CPVL: variants seen among roughly 807,000 people sequenced by gnomAD.
CPVL encodes probable serine carboxypeptidase CPVL.
A neutral mutation model predicts 63.7 loss-of-function variants in CPVL; 51 were observed. That is an observed-to-expected ratio of 0.80 (90% CI 0.64 to 1.01). The LOEUF (loss-of-function observed/expected upper bound fraction) is 1.01, where lower values mean the gene tolerates loss of function less well. CPVL is among the 50% of genes least tolerant of loss of function. CPVL has a pLI of 0.00. For missense variants in CPVL, 530 were observed against 573.1 expected (o/e 0.92, Z 0.77); for synonymous variants, 195 against 206.0 (o/e 0.95, Z 0.46).
At chr7:29,170,995 G>A (rs183740624) in intron 5 of CPVL, among the ~76,000 whole-genome samples, 6 of 152,160 alleles carry the variant, frequency 3.9e-5, no homozygotes, top group East Asian at 3.9e-4. Flanking sequence ...ACAACATGTC[G>A]GAATTCAAGA....
intron 5 of CPVL, among the ~76,000 whole-genome samples, chr7:29,169,654 G>A (rs1038147458): frequency 1.1e-4 from 16 of 151,976 alleles, no homozygotes; most frequent in Non-Finnish European, 1.9e-4. Flanking sequence ...CATGTCCTAT[G>A]TATGGCTGCC....
intron 11 of CPVL, among the ~76,000 whole-genome samples, chr7:29,033,160 AT>A (rs1292009979): frequency 6.6e-6 from 1 of 152,134 alleles, no homozygotes; most frequent in Non-Finnish European, 1.5e-5. Flanking sequence ...AGAAATCAGA[AT>A]AACGATCATG....
chr7:29,146,110 C>G (rs1311611209), intron 1 of CPVL: 1 of 155,076 alleles, frequency 6.4e-6, no homozygotes, highest in African/African-American at 2.4e-5. Flanking sequence ...GAGGACCCCA[C>G]AGCTTCGTAC....
chr7:29,073,493 A>G (rs993381003), intron 7 of CPVL, among the ~76,000 whole-genome samples: 1 of 151,742 alleles, frequency 6.6e-6, no homozygotes, highest in Admixed American at 6.6e-5. Context: ...TCCCTTCTCT[A>G]CCCTCAACCC....
At chr7:29,099,216 T>C (rs1208202826) in intron 3 of CPVL, among the ~76,000 whole-genome samples, 1 of 152,094 alleles carries the variant, frequency 6.6e-6, no homozygotes, top group Non-Finnish European at 1.5e-5. Flanking sequence ...GCTATTGCTA[T>C]AATAGATAAT....
chr7:29,174,438 GAGGGACAGGAACCTGTCCAGACA>G (rs1236918967), intron 5 of CPVL, among the ~76,000 whole-genome samples: 6 of 152,210 alleles, frequency 3.9e-5, no homozygotes, highest in Non-Finnish European at 7.3e-5. Flanking sequence ...TCTCCCCCAA[GAGGGACAGGAACCTGTCCAGACA>G]AGGGACAGGT....
chr7:29,162,384 A>C (rs563763217), intron 5 of CPVL, among the ~76,000 whole-genome samples: 2 of 152,314 alleles, frequency 1.3e-5, no homozygotes, highest in South Asian at 4.1e-4. Context: ...TATGATGGCC[A>C]GGCGTGGTGG....
chr7:29,112,063 G>C (rs926619067), intron 3 of CPVL, among the ~76,000 whole-genome samples: 1 of 152,214 alleles, frequency 6.6e-6, no homozygotes, highest in African/African-American at 2.4e-5. Context: ...TGGTGAAGTA[G>C]AAAAACATAC....
chr7:29,112,435 GGAA>G (rs1174362186), intron 3 of CPVL, among the ~76,000 whole-genome samples: 1 of 152,106 alleles, frequency 6.6e-6, no homozygotes, highest in African/African-American at 2.4e-5. Context: ...GACTGTGGCA[GGAA>G]GAAGGTGGTA....
chr7:29,086,571 A>G (rs930015732), intron 6 of CPVL, 21 bp from the exon 7 acceptor site: 1 of 1,531,538 alleles, frequency 6.5e-7, no homozygotes, highest in Non-Finnish European at 9.0e-7. Context: ...AAGAACAAGA[A>G]CAACACAAAT....
chr7:29,172,792 C>G (rs1487556652), intron 5 of CPVL, among the ~76,000 whole-genome samples: 1 of 151,492 alleles, frequency 6.6e-6, no homozygotes, highest in African/African-American at 2.4e-5. Flanking sequence ...TTTTCAACTT[C>G]TGTTTCCAGC....
intron 1 of CPVL, among the ~76,000 whole-genome samples, chr7:29,144,595 T>C (rs756317679): frequency 9.9e-5 from 15 of 152,006 alleles, no homozygotes; most frequent in Non-Finnish European, 1.9e-4. Flanking sequence ...TTACCTTGAG[T>C]ATTTGGGTGC....
At chr7:29,103,440 A>G (rs1787416196) in intron 3 of CPVL, among the ~76,000 whole-genome samples, 1 of 102,814 alleles carries the variant, frequency 9.7e-6, no homozygotes, top group Non-Finnish European at 2.0e-5. Context: ...TTTTTAGTAG[A>G]GATGGGGTTT....
At chr7:29,033,403 T>C (rs1788225978) in intron 11 of CPVL, among the ~76,000 whole-genome samples, 1 of 152,102 alleles carries the variant, frequency 6.6e-6, no homozygotes, top group Non-Finnish European at 1.5e-5. Flanking sequence ...GCTACCCACA[T>C]CCTGATAGAA....
intron 7 of CPVL, among the ~76,000 whole-genome samples, chr7:29,073,781 G>A (rs1399025465): frequency 1.3e-5 from 2 of 152,094 alleles, no homozygotes; most frequent in African/African-American, 4.8e-5. Context: ...GTGAATACAG[G>A]GACATTTGTC....
chr7:29,122,668 T>C (rs942307478), intron 1 of CPVL: 20 of 116,050 alleles, frequency 1.7e-4, no homozygotes, highest in African/African-American at 6.1e-4. Flanking sequence ...ATCAAAAGAG[T>C]GTCTCATGCA....
intron 5 of CPVL, among the ~76,000 whole-genome samples, chr7:29,169,569 A>AC (rs1796334082): frequency 6.6e-6 from 1 of 152,210 alleles, no homozygotes; most frequent in Non-Finnish European, 1.5e-5. Context: ...CTGACGGTGT[A>AC]CTGAAGAGTA....
intron 9 of CPVL, among the ~76,000 whole-genome samples, chr7:29,068,150 G>A (rs1312437502): frequency 7.9e-5 from 12 of 151,672 alleles, no homozygotes; most frequent in African/African-American, 1.5e-4. Context: ...GATTAAAGGC[G>A]CCTGCCACCA....
At chr7:29,006,461 G>A (rs989432903) in intron 12 of CPVL, among the ~76,000 whole-genome samples, 11 of 152,140 alleles carry the variant, frequency 7.2e-5, no homozygotes, top group African/African-American at 2.7e-4. Context: ...GGTGAGAAAG[G>A]CCTGTCACTT....
Sources: gnomAD v4.1 joint callset for allele counts (sites outside exome capture counted in the v4.1 genomes callset) on GRCh38, gnomAD v4.1.1 for gene constraint, MANE v1.5 for transcripts, NCBI Gene and HGNC (gene_info 2026-07-23, HGNC 2026-07-21) for gene names.